Variants in KREMEN1 observed in about 807,000 individuals in gnomAD.
The protein encoded by KREMEN1 is kremen protein 1.
A neutral mutation model predicts 46.5 loss-of-function variants in KREMEN1; 30 were observed. That is an observed-to-expected ratio of 0.65 (90% CI 0.48 to 0.88). The LOEUF is 0.88. KREMEN1 is among the 40% of genes least tolerant of loss of function. The pLI is 0.00. For missense variants in KREMEN1, 533 were observed against 596.9 expected, an observed-to-expected ratio of 0.89 and a Z score of 1.11; for synonymous variants, 214 against 230.6, an observed-to-expected ratio of 0.93 and a Z score of 0.65.
In KREMEN1 at chr22:29,133,044, C is replaced by T. The variant is rs1370215503; in HGVS notation, c.632-4298C>T. Among the ~76,000 whole-genome samples the T allele has an allele frequency of 2.0e-5, 3 of 152,004 alleles. No individual in the cohort carries two copies. In the East Asian group the frequency reaches 5.8e-4, roughly 29 times the overall value. On this transcript the variant is annotated intron_variant, in intron 5 of 8. Coordinates refer to ENST00000400335, the MANE Select transcript of KREMEN1 (RefSeq NM_001039570.3). ...CGGGTGGATCACGAGGTCAGGAGAT[C>T]GAGACCATCCTGGCGAACACGGTGA... is the stretch of plus-strand genomic sequence containing the variant.
chr22:29,160,168 T>G (rs1014140137), intron 9 of KREMEN1, among the ~76,000 whole-genome samples: 2 of 151,976 alleles, frequency 1.3e-5, no homozygotes, highest in Non-Finnish European at 2.9e-5. Context: ...CAAGTCTCAA[T>G]ACATTCAAAA....
At chr22:29,081,396 T>G (rs134613) in intron 1 of KREMEN1, among the ~76,000 whole-genome samples, 99,868 of 151,922 alleles carry the variant, frequency 0.66, 33,093 homozygotes, top group Middle Eastern at 0.78. Flanking sequence ...AAACACCAAA[T>G]AATTTTTAAT....
chr22:29,116,812 T>C (rs2038247570), intron 3 of KREMEN1, among the ~76,000 whole-genome samples: 1 of 152,160 alleles, frequency 6.6e-6, no homozygotes, highest in East Asian at 1.9e-4. Flanking sequence ...TATCATATGC[T>C]CTTGACCAGA....
intron 9 of KREMEN1, among the ~76,000 whole-genome samples, chr22:29,165,071 G>A (rs1282673687): frequency 2.0e-5 from 3 of 152,136 alleles, no homozygotes; most frequent in African/African-American, 7.2e-5. Context: ...TGCTCAGGAG[G>A]CTGAGGCAGA....
chr22:29,105,910 C>T (rs750671842), intron 3 of KREMEN1, among the ~76,000 whole-genome samples: 4 of 152,152 alleles, frequency 2.6e-5, no homozygotes, highest in Admixed American at 6.5e-5. Context: ...CTAAATAATA[C>T]CTGGACTTGT....
intron 4 of KREMEN1, among the ~76,000 whole-genome samples, chr22:29,122,260 G>C (rs547567598): frequency 6.6e-6 from 1 of 152,286 alleles, no homozygotes; most frequent in Admixed American, 6.5e-5. Context: ...ACCACAATGA[G>C]ATACCACTGC....
At chr22:29,119,832 T>G (rs886665133) in intron 3 of KREMEN1, among the ~76,000 whole-genome samples, 3 of 152,190 alleles carry the variant, frequency 2.0e-5, no homozygotes, top group Non-Finnish European at 4.4e-5. Flanking sequence ...CATGATATAA[T>G]CCCTAGAATC....
At chr22:29,147,690 G>A (rs2038882630), downstream of KREMEN1, among the ~76,000 whole-genome samples, 1 of 152,196 alleles carries the variant, frequency 6.6e-6, no homozygotes, top group Admixed American at 6.5e-5. Context: ...CGAGGGCAAG[G>A]AAACCAGTCG....
At chr22:29,137,160 C>T (rs1208511234) in intron 5 of KREMEN1, among the ~76,000 whole-genome samples, 182 bp from the exon 6 acceptor site, 1 of 152,242 alleles carries the variant, frequency 6.6e-6, no homozygotes, top group Non-Finnish European at 1.5e-5. Context: ...GGGGGAAAAA[C>T]ATCTCCACAG....
At chr22:29,147,544 C>T (rs1436549036), downstream of KREMEN1, among the ~76,000 whole-genome samples, 1 of 152,208 alleles carries the variant, frequency 6.6e-6, no homozygotes, top group Non-Finnish European at 1.5e-5. Context: ...CAGTTTCCTC[C>T]ATTCATTCTC....
chr22:29,081,108 T>C (rs1191835273), intron 1 of KREMEN1, among the ~76,000 whole-genome samples: 1 of 152,094 alleles, frequency 6.6e-6, no homozygotes, highest in Non-Finnish European at 1.5e-5. Context: ...CATTTAACAT[T>C]AGGTATATCT....
chr22:29,141,261 A>C lies in KREMEN1; in HGVS notation c.1209-683A>C, dbSNP rs563220631. 4.8e-5 allele frequency among the ~76,000 whole-genome samples: 7 copies of C among 146,558 alleles called. No homozygotes were observed. The East Asian group carries it at 1.4e-3, about 29-fold the overall frequency. ...TGTGTGTGTGTGTGTCTGCATGTGC[A>C]TGTGTGTGTGTGTGTGTCTGTGTCT... On this transcript the variant is annotated intron_variant, in intron 8 of 8. Transcript: ENST00000400335.
At chr22:29,130,559 C>A (rs767099002) in intron 5 of KREMEN1, among the ~76,000 whole-genome samples, 1 of 152,102 alleles carries the variant, frequency 6.6e-6, no homozygotes, top group Non-Finnish European at 1.5e-5. Flanking sequence ...TCTTTCCATC[C>A]TGAGTGGAAT....
At position 29,142,389 on chromosome 22, in the gene KREMEN1, G is replaced by A; in HGVS notation, c.*277G>A. ...ATCTCTCTCTGATCTAGCTAGCAGT[G>A]GGGGTGTCAGGACAGTGAGGCTGAG... is the stretch of plus-strand genomic sequence containing the variant. On this transcript the variant is annotated 3_prime_UTR_variant, in exon 9 of 9. Coordinates refer to ENST00000400335, the MANE Select transcript of KREMEN1 (RefSeq NM_001039570.3). The A allele has an allele frequency of 6.2e-6, 7 of 1,126,258 alleles. No individual in the cohort carries two copies. Among genetic ancestry groups the A allele is most frequent in the Non-Finnish European group, 7.6e-6 (7 of 920,876 alleles). 69.8% of individuals were successfully genotyped at this position (1,126,258 alleles called of 1,614,324 possible). A position where few individuals can be genotyped will look rare whatever the true frequency, so the allele number is the denominator to read the frequency against.
At chr22:29,105,463 GCACACACACACACATACACACACACACA>G (rs1321797828) in intron 3 of KREMEN1, among the ~76,000 whole-genome samples, 3 of 112,880 alleles carry the variant, frequency 2.7e-5, no homozygotes, top group Non-Finnish European at 3.8e-5. Flanking sequence ...GTGCGTGTGC[GCACACACACACACATACACACACACACA>G]CACACACACA....
intron 5 of KREMEN1, among the ~76,000 whole-genome samples, chr22:29,132,026 C>T (rs980413400): frequency 6.6e-6 from 1 of 151,592 alleles, no homozygotes; most frequent in South Asian, 2.1e-4. Flanking sequence ...GCATGCACCA[C>T]CACACATGGC....
At chr22:29,137,247 C>T in intron 5 of KREMEN1, 95 bp from the exon 6 acceptor site, 1 of 826,294 alleles carries the variant, frequency 1.2e-6, no homozygotes. Context: ...TAAATGGGAT[C>T]CTGCTCGTTA....
chr22:29,164,442 T>G (rs2039036469), intron 9 of KREMEN1, among the ~76,000 whole-genome samples: 1 of 152,232 alleles, frequency 6.6e-6, no homozygotes, highest in Non-Finnish European at 1.5e-5. Context: ...ACTACACACA[T>G]GCATTTGTCA....
At chr22:29,123,157 A>G (rs561023842) in intron 4 of KREMEN1, among the ~76,000 whole-genome samples, 8 of 152,108 alleles carry the variant, frequency 5.3e-5, no homozygotes, top group Admixed American at 3.9e-4. Flanking sequence ...AAGTTCTCAC[A>G]TGAGGCACCA....
Sources: gnomAD v4.1 joint callset for allele counts (sites outside exome capture counted in the v4.1 genomes callset) on GRCh38, gnomAD v4.1.1 for gene constraint, MANE v1.5 for transcripts, NCBI Gene and HGNC (gene_info 2026-07-23, HGNC 2026-07-21) for gene names.